The following KCNK9 variants were observed in gnomAD, a reference collection of about 807,000 sequenced individuals.
The protein encoded by KCNK9 is potassium two pore domain channel subfamily K member 9.
In KCNK9, 1 loss-of-function variant was observed where a neutral mutation model predicts 10.8. The ratio of observed to expected loss-of-function variants is 0.09; its 90% CI spans 0.03 to 0.44. KCNK9 has a LOEUF of 0.44. Ranked by LOEUF, KCNK9 falls within the 20% of genes least tolerant of loss-of-function variation. The pLI is 0.97. For synonymous variants in KCNK9, 231 were observed against 222.7 expected (o/e 1.04, Z -0.33); for missense variants, 303 against 515.0 (o/e 0.59, Z 3.98).
intron 1 of KCNK9, among the ~76,000 whole-genome samples, chr8:139,636,152 C>T (rs1441869418): frequency 6.6e-6 from 1 of 152,210 alleles, no homozygotes; most frequent in East Asian, 1.9e-4. Flanking sequence ...GAAGACCAGC[C>T]TTTATTGGCC....
At chr8:139,690,866 ATGGTTG>A (rs1472510686) in intron 1 of KCNK9, among the ~76,000 whole-genome samples, 1 of 152,172 alleles carries the variant, frequency 6.6e-6, no homozygotes, top group African/African-American at 2.4e-5. Context: ...TGGATGAAAG[ATGGTTG>A]TGGATGGGAA....
intron 1 of KCNK9, among the ~76,000 whole-genome samples, chr8:139,676,549 T>G (rs7824739): frequency 0.55 from 83,256 of 152,088 alleles, 23,055 homozygotes; most frequent in Admixed American, 0.59. Context: ...AGCCTGCCCC[T>G]GATTCTGAGA....
chr8:139,649,136 C>A (rs1434950632), intron 1 of KCNK9, among the ~76,000 whole-genome samples: 1 of 152,204 alleles, frequency 6.6e-6, no homozygotes, highest in East Asian at 1.9e-4. Context: ...ATCTCAGGAA[C>A]TTCAACTACA....
intron 1 of KCNK9, among the ~76,000 whole-genome samples, chr8:139,657,722 G>T (rs145291322): frequency 2.0e-5 from 3 of 152,294 alleles, no homozygotes; most frequent in East Asian, 1.9e-4. Flanking sequence ...AAGCTGCACC[G>T]CATGGTCACT....
At chr8:139,644,697 T>C (rs113866285) in intron 1 of KCNK9, among the ~76,000 whole-genome samples, 6,449 of 148,962 alleles carry the variant, frequency 0.043, 449 homozygotes, top group African/African-American at 0.15. Context: ...GCCTGCTCCC[T>C]GGGGTGCTCC....
At chr8:139,627,250 G>A (rs190366253) in intron 1 of KCNK9, among the ~76,000 whole-genome samples, 1 of 152,298 alleles carries the variant, frequency 6.6e-6, no homozygotes, top group East Asian at 1.9e-4. Flanking sequence ...TGGATAAGGG[G>A]TATCAGTGGT....
chr8:139,632,727 C>A (rs548920714), intron 1 of KCNK9, among the ~76,000 whole-genome samples: 1 of 152,308 alleles, frequency 6.6e-6, no homozygotes, highest in South Asian at 2.1e-4. Context: ...TGGGATGGTG[C>A]CTCCAGCTGT....
At chr8:139,650,381 T>C (rs1456569789) in intron 1 of KCNK9, among the ~76,000 whole-genome samples, 1 of 152,172 alleles carries the variant, frequency 6.6e-6, no homozygotes, top group Non-Finnish European at 1.5e-5. Context: ...GCACACACAG[T>C]GCTTTAGTAA....
chr8:139,675,336 G>T (rs1386642880), intron 1 of KCNK9, among the ~76,000 whole-genome samples: 1 of 152,244 alleles, frequency 6.6e-6, no homozygotes, highest in Non-Finnish European at 1.5e-5. Context: ...ACGCTCTGCA[G>T]TGGACTCAGT....
At chr8:139,672,965 TG>T (rs1245759542) in intron 1 of KCNK9, among the ~76,000 whole-genome samples, 4 of 151,800 alleles carry the variant, frequency 2.6e-5, no homozygotes, top group Non-Finnish European at 5.9e-5. Context: ...CAGCCAGTGG[TG>T]GGGAAGGACA....
Position 139,632,587 on chromosome 8 carries a change from C to A in KCNK9, c.284-13488G>T, listed in dbSNP as rs1815206747. ...AGTGCTGGCCAGCAGGGTTCCAGGC[C>A]TGGCCCACTAAAACCTGCCGTATGA... On this transcript the variant is annotated intron_variant, in intron 1 of 1. Coordinates refer to ENST00000520439, the MANE Select transcript of KCNK9 (RefSeq NM_001282534.2). 2.6e-5 allele frequency among the ~76,000 whole-genome samples: 4 copies of A among 152,304 alleles called. No homozygotes were observed. The South Asian group carries it at 8.3e-4, about 32-fold the overall frequency.
chr8:139,644,154 A>C (rs1226915255), intron 1 of KCNK9, among the ~76,000 whole-genome samples: 1 of 152,194 alleles, frequency 6.6e-6, no homozygotes, highest in East Asian at 1.9e-4. Context: ...TATTGTCCCC[A>C]TCATCCCTGT....
At chr8:139,663,754 G>A (rs541445852) in intron 1 of KCNK9, among the ~76,000 whole-genome samples, 1 of 151,974 alleles carries the variant, frequency 6.6e-6, no homozygotes, top group African/African-American at 2.4e-5. Context: ...CGCTGCAACC[G>A]CCTGAGAGAC....
chr8:139,692,824 C>A (rs1816961078), intron 1 of KCNK9, among the ~76,000 whole-genome samples: 1 of 152,192 alleles, frequency 6.6e-6, no homozygotes, highest in African/African-American at 2.4e-5. Flanking sequence ...AGTGGCCTGG[C>A]ACTGCCTGTT....
At chr8:139,630,817 G>T (rs1815144633) in intron 1 of KCNK9, among the ~76,000 whole-genome samples, 1 of 152,234 alleles carries the variant, frequency 6.6e-6, no homozygotes. Flanking sequence ...CCCCTTCTCA[G>T]TCCCCCAGAA....
chr8:139,633,009 T>C (rs1815221419), intron 1 of KCNK9, among the ~76,000 whole-genome samples: 1 of 151,994 alleles, frequency 6.6e-6, no homozygotes, highest in Non-Finnish European at 1.5e-5. Flanking sequence ...GTCACGTCCA[T>C]GGAACAGGTG....
chr8:139,668,945 G>A (rs918506492), intron 1 of KCNK9, among the ~76,000 whole-genome samples: 18 of 151,986 alleles, frequency 1.2e-4, no homozygotes, highest in South Asian at 4.2e-4. Context: ...ATGCAGTTTC[G>A]GTCTAAGACA....
At chr8:139,688,293 T>C (rs1816863747) in intron 1 of KCNK9, among the ~76,000 whole-genome samples, 1 of 152,152 alleles carries the variant, frequency 6.6e-6, no homozygotes, top group Admixed American at 6.5e-5. Context: ...TATAAAGAAA[T>C]ACCCGAGACA....
At chr8:139,680,867 ACTC>A (rs1025229937) in intron 1 of KCNK9, among the ~76,000 whole-genome samples, 7 of 150,978 alleles carry the variant, frequency 4.6e-5, no homozygotes, top group African/African-American at 1.7e-4. Flanking sequence ...CAAAATCTAA[ACTC>A]CTCCTCACAA....
Sources: gnomAD v4.1 joint callset for allele counts (sites outside exome capture counted in the v4.1 genomes callset) on GRCh38, gnomAD v4.1.1 for gene constraint, MANE v1.5 for transcripts, NCBI Gene and HGNC (gene_info 2026-07-23, HGNC 2026-07-21) for gene names.